GUCY1A2: variants seen among roughly 807,000 people sequenced by gnomAD.
The protein encoded by GUCY1A2 is guanylate cyclase 1 soluble subunit alpha 2.
A neutral mutation model predicts 63.5 loss-of-function variants in GUCY1A2; 27 were observed. The ratio of observed to expected loss-of-function variants is 0.43; its 90% CI spans 0.31 to 0.59. The LOEUF (loss-of-function observed/expected upper bound fraction) is 0.59, where lower values mean the gene tolerates loss of function less well. Among genes scored for constraint, GUCY1A2 ranks in the 20% least tolerant of loss-of-function variants. The probability of loss-of-function intolerance (pLI) is 0.11; values close to 1 mark genes in which losing one functional copy is unlikely to be tolerated. For synonymous variants in GUCY1A2, 364 were observed against 343.5 expected (o/e 1.06, Z -0.66); for missense variants, 768 against 913.3 (o/e 0.84, Z 2.05).
chr11:106,901,944 A>G (rs1163342374), intron 4 of GUCY1A2, among the ~76,000 whole-genome samples: 3 of 152,038 alleles, frequency 2.0e-5, no homozygotes, highest in Admixed American at 1.3e-4. Context: ...CCGCAATAAC[A>G]TGTATATTTA....
chr11:106,867,986 C>CA (rs1456040480), intron 4 of GUCY1A2, among the ~76,000 whole-genome samples: 1 of 151,842 alleles, frequency 6.6e-6, no homozygotes, highest in East Asian at 1.9e-4. Context: ...CCCCAACCCC[C>CA]AAAAAACCCT....
chr11:106,905,811 A>G (rs1265447516), intron 4 of GUCY1A2, among the ~76,000 whole-genome samples: 1 of 152,182 alleles, frequency 6.6e-6, no homozygotes, highest in Non-Finnish European at 1.5e-5. Context: ...CATGCTTTTC[A>G]TGACCTATGT....
chr11:106,794,339 T>A (rs1227758200), intron 5 of GUCY1A2, among the ~76,000 whole-genome samples: 1 of 151,894 alleles, frequency 6.6e-6, no homozygotes, highest in African/African-American at 2.4e-5. Flanking sequence ...TGCCAAGGGG[T>A]GAGGGTGGAA....
chr11:106,849,017 T>G lies in GUCY1A2; in HGVS notation c.1207-38539A>C, dbSNP rs565968076. On this transcript the variant is annotated intron_variant, in intron 4 of 7. Coordinates refer to ENST00000526355, the MANE Select transcript of GUCY1A2 (RefSeq NM_000855.3). Reference sequence around the variant, plus strand: ...TACCATTTTCTGTACAAAAATGAGCTACTAACTGATGAGCCCTGTAAGATT... The same window carrying G: ...TACCATTTTCTGTACAAAAATGAGCGACTAACTGATGAGCCCTGTAAGATT... 1.0e-3 allele frequency among the ~76,000 whole-genome samples: 152 copies of G among 151,776 alleles called. No individual in the cohort carries two copies. In the Middle Eastern group the frequency reaches 0.017, roughly 17 times the overall value.
intron 2 of GUCY1A2, among the ~76,000 whole-genome samples, chr11:106,982,344 C>T (rs973302586): frequency 9.2e-5 from 14 of 151,710 alleles, no homozygotes; most frequent in Non-Finnish European, 1.8e-4. Context: ...CTACTGACTT[C>T]TTCTGCTCCT....
At chr11:106,789,869 C>G (rs1864627503) in intron 5 of GUCY1A2, among the ~76,000 whole-genome samples, 1 of 152,204 alleles carries the variant, frequency 6.6e-6, no homozygotes, top group African/African-American at 2.4e-5. Flanking sequence ...GTCTCTCTCT[C>G]TGTGCTGAGC....
intron 6 of GUCY1A2, among the ~76,000 whole-genome samples, chr11:106,754,149 C>A (rs1863932360): frequency 6.6e-6 from 1 of 151,716 alleles, no homozygotes; most frequent in South Asian, 2.1e-4. Flanking sequence ...TGATTTGGCT[C>A]TCTGTTTGTC....
At chr11:106,931,814 G>C (rs1860606420) in intron 4 of GUCY1A2, among the ~76,000 whole-genome samples, 1 of 152,164 alleles carries the variant, frequency 6.6e-6, no homozygotes, top group Non-Finnish European at 1.5e-5. Flanking sequence ...CCAGTGGTTG[G>C]CTGCAGTTGG....
intron 3 of GUCY1A2, among the ~76,000 whole-genome samples, chr11:106,959,871 C>T (rs1861037496): frequency 6.6e-6 from 1 of 152,194 alleles, no homozygotes; most frequent in Admixed American, 6.5e-5. Context: ...AAAGGCAGAG[C>T]TGAGAACCAC....
chr11:107,016,899 C>A (rs763330753), intron 1 of GUCY1A2, among the ~76,000 whole-genome samples: 32 of 152,176 alleles, frequency 2.1e-4, no homozygotes, highest in South Asian at 1.5e-3. Context: ...AAGTACAGAG[C>A]GGTTTAAATA....
rs565732726 is a variant in GUCY1A2, at chr11:106,900,754, C to G, written c.1206+38706G>C. On this transcript the variant is annotated intron_variant, in intron 4 of 7. Coordinates refer to ENST00000526355, the MANE Select transcript of GUCY1A2 (RefSeq NM_000855.3). ...AGTGCATATACAAATTATGTTTACA[C>G]TATACTGTAGTCTATTAAGTGTGCA... Among the ~76,000 whole-genome samples the G allele has an allele frequency of 3.1e-4, 47 of 152,262 alleles. 1 individual carries two copies. The South Asian group carries it at 5.2e-3, about 17-fold the overall frequency.
At chr11:107,012,302 T>C (rs979778613) in intron 1 of GUCY1A2, among the ~76,000 whole-genome samples, 1 of 151,308 alleles carries the variant, frequency 6.6e-6, no homozygotes, top group Admixed American at 6.6e-5. Context: ...TAACCTATTC[T>C]ATAAACTTTT....
At chr11:106,961,862 T>C (rs146146660) in intron 3 of GUCY1A2, among the ~76,000 whole-genome samples, 2 of 152,204 alleles carry the variant, frequency 1.3e-5, no homozygotes, top group East Asian at 3.9e-4. Context: ...TTCAGCCTTG[T>C]GACTATGGTA....
Position 106,978,693 on chromosome 11 carries a change from G to A in GUCY1A2, c.413C>T (p.Ser138Phe), listed in dbSNP as rs1205874822. Reference protein sequence around the residue: ...KNFHNISNRCSYADHSNKEEI... With the variant: ...KNFHNISNRCFYADHSNKEEI... ...TTCTTTGTTGGAGTGGTCTGCATAG[G>A]AGCATCTGTTAGAGATATTGTGGAA... The change falls in exon 3 of 8, where the codon TCC becomes TTC. Residue 138 changes from serine to phenylalanine, a missense_variant. Coordinates refer to ENST00000526355, the MANE Select transcript of GUCY1A2 (RefSeq NM_000855.3). The A allele has an allele frequency of 4.4e-6, 7 of 1,588,694 alleles. No individual in the cohort carries two copies. The South Asian group carries it at 5.5e-5, about 13-fold the overall frequency.
chr11:106,988,470 A>G (rs139680223), intron 1 of GUCY1A2, among the ~76,000 whole-genome samples: 1 of 151,670 alleles, frequency 6.6e-6, no homozygotes, highest in African/African-American at 2.4e-5. Context: ...ACAAAAGGAC[A>G]TTTTTTTTTC....
chr11:107,015,047 AAAT>A (rs1237242486), intron 1 of GUCY1A2, among the ~76,000 whole-genome samples: 1 of 152,242 alleles, frequency 6.6e-6, no homozygotes, highest in East Asian at 1.9e-4. Flanking sequence ...CTAACTTGCC[AAAT>A]AAAATAAGGT....
At chr11:106,973,484 G>T (rs1402443768) in intron 3 of GUCY1A2, among the ~76,000 whole-genome samples, 2 of 152,072 alleles carry the variant, frequency 1.3e-5, no homozygotes, top group Admixed American at 6.6e-5. Flanking sequence ...CTGACAAGAA[G>T]TTTGTCTCAT....
At chr11:106,752,309 T>C (rs554201495) in intron 6 of GUCY1A2, among the ~76,000 whole-genome samples, 1 of 152,206 alleles carries the variant, frequency 6.6e-6, no homozygotes, top group Non-Finnish European at 1.5e-5. Context: ...ATGTACAGAA[T>C]GGCAATAATC....
At chr11:106,716,323 G>A (rs1251080021) in intron 6 of GUCY1A2, among the ~76,000 whole-genome samples, 1 of 152,110 alleles carries the variant, frequency 6.6e-6, no homozygotes, top group Admixed American at 6.5e-5. Context: ...GTGCATTATA[G>A]GATGATTACT....
Sources: gnomAD v4.1 joint callset for allele counts (sites outside exome capture counted in the v4.1 genomes callset) on GRCh38, gnomAD v4.1.1 for gene constraint, MANE v1.5 for transcripts, NCBI Gene and HGNC (gene_info 2026-07-23, HGNC 2026-07-21) for gene names.